Variants in CTNND2 observed in about 807,000 individuals in gnomAD.
The protein encoded by CTNND2 is catenin delta-2.
Under a neutral mutation model 144.4 loss-of-function variants are expected in CTNND2, and 22 were observed. That is an observed-to-expected ratio of 0.15 (90% CI 0.11 to 0.22). CTNND2 has a LOEUF of 0.22. Among genes scored for constraint, CTNND2 ranks in the 10% least tolerant of loss-of-function variants. The pLI is 1.00. For synonymous variants in CTNND2, 751 were observed against 695.6 expected (o/e 1.08, Z -1.25); for missense variants, 1,353 against 1,618.8 (o/e 0.84, Z 2.82).
At chr5:11,869,206 T>C (rs1042547359) in intron 1 of CTNND2, among the ~76,000 whole-genome samples, 3 of 152,150 alleles carry the variant, frequency 2.0e-5, no homozygotes, top group Non-Finnish European at 2.9e-5. Flanking sequence ...TGCCATATGA[T>C]GCACCAACCC....
At chr5:11,214,363 G>T (rs1341189983) in intron 10 of CTNND2, among the ~76,000 whole-genome samples, 1 of 151,874 alleles carries the variant, frequency 6.6e-6, no homozygotes, top group Non-Finnish European at 1.5e-5. Context: ...AAATACCTTT[G>T]TTTGTATTTT....
At chr5:11,139,203 C>T (rs1027832644) in intron 12 of CTNND2, among the ~76,000 whole-genome samples, 2 of 152,076 alleles carry the variant, frequency 1.3e-5, no homozygotes, top group Non-Finnish European at 2.9e-5. Context: ...TCAAGTGATC[C>T]ACTCACCTCG....
intron 1 of CTNND2, among the ~76,000 whole-genome samples, chr5:11,900,135 G>A (rs972082582): frequency 2.6e-5 from 4 of 152,096 alleles, no homozygotes; most frequent in Admixed American, 1.3e-4. Context: ...AGAGACAGGT[G>A]AATATTTATC....
intron 13 of CTNND2, 89 bp from the exon 14 acceptor site, chr5:11,111,132 G>T: frequency 7.3e-7 from 1 of 1,363,752 alleles, no homozygotes; most frequent in Non-Finnish European, 1.0e-6. Flanking sequence ...CTTTCTCCAT[G>T]GACACATTTC....
intron 1 of CTNND2, among the ~76,000 whole-genome samples, chr5:11,872,511 G>A (rs1436226751): frequency 6.6e-6 from 1 of 152,152 alleles, no homozygotes; most frequent in African/African-American, 2.4e-5. Context: ...CAGTGTAAAA[G>A]CATTCCTATT....
chr5:11,266,707 A>G (rs1389462972), intron 9 of CTNND2, among the ~76,000 whole-genome samples: 1 of 152,222 alleles, frequency 6.6e-6, no homozygotes, highest in Non-Finnish European at 1.5e-5. Context: ...AGACTGCAAG[A>G]GAGAATCTTT....
intron 1 of CTNND2, among the ~76,000 whole-genome samples, chr5:11,768,267 A>AGTTTTGTTTT (rs60666239): frequency 0.035 from 5,142 of 148,812 alleles, 299 homozygotes; most frequent in African/African-American, 0.12. Flanking sequence ...CCCACTCAGG[A>AGTTTTGTTTT]GTTTTGTTTT....
At chr5:11,664,890 T>C (rs1304632891) in intron 2 of CTNND2, among the ~76,000 whole-genome samples, 1 of 152,150 alleles carries the variant, frequency 6.6e-6, no homozygotes, top group African/African-American at 2.4e-5. Flanking sequence ...TATATAATTG[T>C]AAAATGAAAG....
In CTNND2 at chr5:11,291,635, G is replaced by A. The variant is rs369777954; in HGVS notation, c.1628+54737C>T. ...ACTCTGGTCCTTTCTCTCTGGTACC[G>A]CCCTATCTCCCCAGATTCTCCTGCC... On this transcript the variant is annotated intron_variant, in intron 9 of 21. Coordinates refer to ENST00000304623, the MANE Select transcript of CTNND2 (RefSeq NM_001332.4). Among the ~76,000 whole-genome samples the A allele has an allele frequency of 1.1e-4, 17 of 152,016 alleles. 1 individual carries two copies. Among genetic ancestry groups the A allele is most frequent in the Admixed American group, 5.9e-4 (9 of 15,268 alleles).
At chr5:11,563,657 T>C (rs536412703) in intron 3 of CTNND2, among the ~76,000 whole-genome samples, 1 of 152,158 alleles carries the variant, frequency 6.6e-6, no homozygotes, top group East Asian at 1.9e-4. Context: ...TCACATATCC[T>C]AAATAAGGTT....
chr5:11,351,798 T>C (rs1374623126), intron 8 of CTNND2, among the ~76,000 whole-genome samples: 1 of 152,066 alleles, frequency 6.6e-6, no homozygotes, highest in Non-Finnish European at 1.5e-5. Context: ...TATGAAAACA[T>C]TAAGCACATT....
chr5:11,567,259 C>T (rs1273274646), intron 2 of CTNND2, among the ~76,000 whole-genome samples: 2 of 151,670 alleles, frequency 1.3e-5, no homozygotes, highest in East Asian at 3.9e-4. Flanking sequence ...TTTAATTTTT[C>T]TCTGCTTTTA....
chr5:11,615,686 C>A (rs1780545964), intron 2 of CTNND2, among the ~76,000 whole-genome samples: 1 of 152,160 alleles, frequency 6.6e-6, no homozygotes, highest in African/African-American at 2.4e-5. Flanking sequence ...TATATTCTGG[C>A]TGTTAGTTCT....
intron 1 of CTNND2, among the ~76,000 whole-genome samples, chr5:11,746,056 TCTG>T (rs1427144026): frequency 6.6e-6 from 1 of 152,224 alleles, no homozygotes; most frequent in Non-Finnish European, 1.5e-5. Context: ...TAGAGTTCGA[TCTG>T]CTTTGCATGA....
chr5:11,402,946 C>A (rs6554627), intron 5 of CTNND2, among the ~76,000 whole-genome samples: 2 of 152,030 alleles, frequency 1.3e-5, no homozygotes, highest in African/African-American at 4.8e-5. Flanking sequence ...TTAATTAGTA[C>A]GCTTTTCCAA....
In CTNND2 at chr5:10,972,147, T is replaced by C. The variant is rs888977359; in HGVS notation, c.*1306A>G. 3.9e-5 allele frequency: 6 copies of C among 152,638 alleles called. No individual in the cohort carries two copies. Among genetic ancestry groups the C allele is most frequent in the Non-Finnish European group, 8.8e-5 (6 of 68,044 alleles). 9.5% of individuals were successfully genotyped at this position (152,638 alleles called of 1,614,324 possible). ...TAATTGGCCCCAAAGTGAAACTGAA[T>C]TGGCCATGGTTTATCGTGTTCTGAG... On this transcript the variant is annotated 3_prime_UTR_variant, in exon 22 of 22. Transcript: ENST00000304623.
At chr5:11,129,103 A>T (rs1755163032) in intron 12 of CTNND2, among the ~76,000 whole-genome samples, 2 of 24,902 alleles carry the variant, frequency 8.0e-5, no homozygotes, top group African/African-American at 2.5e-4. Context: ...TATATAAATA[A>T]AATATATATA....
intron 1 of CTNND2, among the ~76,000 whole-genome samples, chr5:11,800,846 T>A (rs1431568054): frequency 4.6e-5 from 7 of 152,206 alleles, no homozygotes; most frequent in African/African-American, 1.7e-4. Flanking sequence ...TTATAAGTCT[T>A]ATTTATAAAT....
chr5:11,832,860 G>A (rs1043135745), intron 1 of CTNND2, among the ~76,000 whole-genome samples: 2 of 152,134 alleles, frequency 1.3e-5, no homozygotes, highest in Non-Finnish European at 2.9e-5. Flanking sequence ...AGGACTGCTT[G>A]AGCCCAGAAG....
Sources: gnomAD v4.1 joint callset for allele counts (sites outside exome capture counted in the v4.1 genomes callset) on GRCh38, gnomAD v4.1.1 for gene constraint, MANE v1.5 for transcripts, NCBI Gene and HGNC (gene_info 2026-07-23, HGNC 2026-07-21) for gene names.